The following SCN10A variants were observed in gnomAD, a reference collection of about 807,000 sequenced individuals.
SCN10A encodes the protein sodium voltage-gated channel alpha subunit 10, also known as sodium channel protein type 10 subunit alpha.
Under a neutral mutation model 170.7 loss-of-function variants are expected in SCN10A, and 162 were observed. The observed-to-expected ratio is 0.95, with a 90% CI of 0.84 to 1.08. The LOEUF (loss-of-function observed/expected upper bound fraction) is 1.08, where lower values mean the gene tolerates loss of function less well. SCN10A is among the 50% of genes least tolerant of loss of function. The probability of loss-of-function intolerance (pLI) is 0.00; values close to 1 mark genes in which losing one functional copy is unlikely to be tolerated. For missense variants in SCN10A, 2,527 were observed against 2,436.9 expected (o/e 1.04, Z -0.78); for synonymous variants, 985 against 904.6 (o/e 1.09, Z -1.59).
At chr3:38,713,155 C>T (rs191590117) in intron 22 of SCN10A, among the ~76,000 whole-genome samples, 24 of 152,124 alleles carry the variant, frequency 1.6e-4, no homozygotes, top group Admixed American at 1.0e-3. Flanking sequence ...TCTGTCCTGA[C>T]GGAGGCAGTT....
intron 4 of SCN10A, among the ~76,000 whole-genome samples, chr3:38,785,264 G>T (rs1474056403): frequency 1.3e-5 from 2 of 152,136 alleles, no homozygotes; most frequent in Non-Finnish European, 2.9e-5. Context: ...AAACAGCGAG[G>T]TACTGGTACC....
chr3:38,710,792 T>A (rs2063265011), intron 24 of SCN10A, 52 bp downstream of exon 24: 3 of 1,543,004 alleles, frequency 1.9e-6, no homozygotes, highest in Non-Finnish European at 2.7e-6. Context: ...CAGACTGATA[T>A]GGGTAGAATG....
In SCN10A at chr3:38,761,242, T is replaced by G; in HGVS notation, c.833A>C (p.Lys278Thr). 6.2e-7 allele frequency: 1 copy of G among 1,614,106 alleles called. No homozygotes were observed. The highest frequency in any genetic ancestry group is 8.5e-7 in the Non-Finnish European group (1 of 1,179,958). Residue 278 changes from lysine to threonine, a missense_variant, in exon 7 of 28, where the codon AAG (lysine) becomes ACG (threonine). Lys to Thr is a moderately conservative substitution (Grantham distance 78). Coordinates refer to ENST00000449082, the MANE Select transcript of SCN10A (RefSeq NM_006514.4). ...TGTCTCATTGACAGCCATGTCATTC[T>G]TGACACATTTATTTTTGAGGTTGCC... ...FKGNLKNKCV[K>T]NDMAVNETTN...
Position 38,756,698 on chromosome 3 carries a change from G to T in SCN10A, c.1266C>A (p.Leu422=), listed in dbSNP as rs143438557. The stretch of plus-strand genomic sequence containing the variant: ...CCTCCTGCTCCTTCCGGAGCATCTC[G>T]AGGGCCTCCTGGAACTTCTTCTCCT... ...EAKEKKFQEA[L]EMLRKEQEVL... is the part of the protein sequence containing the mutation. The change falls in exon 10 of 28, where the codon CTC becomes CTA. Residue 422 remains leucine, a synonymous_variant. Transcript: ENST00000449082. The T allele has an allele frequency of 1.9e-6, 3 of 1,613,860 alleles. No homozygotes were observed. Among genetic ancestry groups the T allele is most frequent in the African/African-American group, 1.3e-5 (1 of 74,902 alleles).
intron 4 of SCN10A, among the ~76,000 whole-genome samples, chr3:38,782,815 A>T (rs1038288865): frequency 1.2e-4 from 19 of 152,228 alleles, no homozygotes; most frequent in Admixed American, 9.8e-4. Context: ...GATATGTAAC[A>T]TGCATAATAA....
At chr3:38,756,300 G>GT (rs1293897063) in intron 10 of SCN10A, among the ~76,000 whole-genome samples, 2 of 147,792 alleles carry the variant, frequency 1.4e-5, no homozygotes, top group East Asian at 4.1e-4. Flanking sequence ...TATGGGGAGG[G>GT]TAAAAAAAAA....
At chr3:38,792,204 G>A (rs1575182731) in intron 2 of SCN10A, 36 bp from the exon 3 acceptor site, 2 of 1,608,702 alleles carry the variant, frequency 1.2e-6, no homozygotes, top group Non-Finnish European at 8.5e-7. Context: ...GACCTCCAAT[G>A]AGAAACAAGA....
intron 15 of SCN10A, among the ~76,000 whole-genome samples, chr3:38,738,571 G>T (rs2063595613): frequency 6.6e-6 from 1 of 152,132 alleles, no homozygotes; most frequent in Non-Finnish European, 1.5e-5. Context: ...AAGATTGTTG[G>T]ATACTCCCCT....
chr3:38,710,971 C>T (rs1022752100), intron 23 of SCN10A, 74 bp from the exon 24 acceptor site: 1 of 1,304,988 alleles, frequency 7.7e-7, no homozygotes, highest in Non-Finnish European at 1.1e-6. Context: ...GCCATGGTGG[C>T]CCAGTGAGAG....
At chr3:38,785,260 C>G (rs140967053) in intron 4 of SCN10A, among the ~76,000 whole-genome samples, 2 of 152,242 alleles carry the variant, frequency 1.3e-5, no homozygotes, top group South Asian at 2.1e-4. Flanking sequence ...ACCAAAACAG[C>G]GAGGTACTGG....
chr3:38,783,947 G>T lies in SCN10A; in HGVS notation c.470+5009C>A, dbSNP rs889566440. Among the ~76,000 whole-genome samples the T allele has an allele frequency of 6.6e-5, 10 of 151,860 alleles. No individual in the cohort carries two copies. The East Asian group carries it at 1.7e-3, about 26-fold the overall frequency. On this transcript the variant is annotated intron_variant, in intron 4 of 27. Transcript: ENST00000449082. ...GTGTGATTTTAATTTGCAACTCTTT[G>T]ATTTAAAAAAAGGTTAAGAATACTT...
At chr3:38,709,407 G>T in intron 25 of SCN10A, 71 bp downstream of exon 25, 1 of 1,492,592 alleles carries the variant, frequency 6.7e-7, no homozygotes, top group Non-Finnish European at 9.0e-7. Flanking sequence ...GGAGGCCAGA[G>T]CTGGGCAGGG....
intron 6 of SCN10A, among the ~76,000 whole-genome samples, chr3:38,762,565 G>A (rs1329841094): frequency 6.6e-6 from 1 of 152,156 alleles, no homozygotes; most frequent in East Asian, 1.9e-4. Flanking sequence ...TCCAGAGCAT[G>A]GTGAGATGTG....
chr3:38,794,734 A>C (rs529077212), intron 1 of SCN10A, among the ~76,000 whole-genome samples: 94 of 152,340 alleles, frequency 6.2e-4, no homozygotes, highest in Non-Finnish European at 1.1e-3. Flanking sequence ...GGGGAACCTC[A>C]GTATTGCCTG....
chr3:38,725,328 G>T lies in SCN10A; in HGVS notation c.3088-14C>A. On this transcript the variant is annotated splice_polypyrimidine_tract_variant and intron_variant, in intron 17 of 27. Coordinates refer to ENST00000449082, the MANE Select transcript of SCN10A (RefSeq NM_006514.4). ...CAGCTGCTCCTGCTAGTGAGAGAGG[G>T]TCCCAACTGGGTGCCTGGCCCCACC... 1 of 1,560,450 alleles carries T rather than the reference G, an allele frequency of 6.4e-7. No individual in the cohort carries two copies. Among genetic ancestry groups the T allele is most frequent in the Non-Finnish European group, 8.8e-7 (1 of 1,140,696 alleles).
chr3:38,723,689 G>A lies in SCN10A; in HGVS notation c.3229-136C>T, dbSNP rs931335113. On this transcript the variant is annotated intron_variant, in intron 18 of 27. Coordinates refer to ENST00000449082, the MANE Select transcript of SCN10A (RefSeq NM_006514.4). ...GGCCTGGAACACTGCTCTTCTCCCT[G>A]GAGCCCCAGAGGCTTAGCTGTGTGA... is the stretch of plus-strand genomic sequence containing the variant. 2.7e-6 allele frequency: 3 copies of A among 1,111,884 alleles called. No homozygotes were observed. In the African/African-American group the frequency reaches 4.7e-5, roughly 17 times the overall value. The allele number at this position is 1,111,884 out of a possible 1,614,324, so 68.9% of individuals were successfully genotyped here.
Position 38,697,078 on chromosome 3 carries a change from G to C in SCN10A, c.*271C>G. On this transcript the variant is annotated 3_prime_UTR_variant, in exon 28 of 28. Coordinates refer to ENST00000449082, the MANE Select transcript of SCN10A (RefSeq NM_006514.4). ...TTACAACAAAAATAAAAGGACAAGGGATATTTTCTGGAGAGTAAGAGAACC... is the reference window on the plus strand; with the variant it reads ...TTACAACAAAAATAAAAGGACAAGGCATATTTTCTGGAGAGTAAGAGAACC... 2.1e-6 allele frequency: 1 copy of C among 482,962 alleles called. No individual in the cohort carries two copies. Among genetic ancestry groups the C allele is most frequent in the Non-Finnish European group, 3.7e-6 (1 of 270,112 alleles). The allele number at this position is 482,962 out of a possible 1,614,324, so 29.9% of individuals were successfully genotyped here. A position where few individuals can be genotyped will look rare whatever the true frequency, so the allele number is the denominator to read the frequency against.
At chr3:38,742,254 C>A in intron 14 of SCN10A, 37 bp downstream of exon 14, 2 of 1,517,808 alleles carry the variant, frequency 1.3e-6, no homozygotes, top group Non-Finnish European at 1.8e-6. Context: ...CCCGCCCCGA[C>A]CACGCCAGTG....
At chr3:38,767,786 T>C (rs2063949898) in intron 5 of SCN10A, among the ~76,000 whole-genome samples, 1 of 152,150 alleles carries the variant, frequency 6.6e-6, no homozygotes, top group African/African-American at 2.4e-5. Context: ...AAGTTCATTG[T>C]TTCTTTGTTG....
Sources: allele counts gnomAD v4.1 joint callset (sites outside exome capture counted in the v4.1 genomes callset), GRCh38; gene constraint gnomAD v4.1.1; transcripts MANE v1.5; gene names NCBI Gene and HGNC (gene_info 2026-07-23, HGNC 2026-07-21).